The following RBFOX1 variants were observed in gnomAD, a reference collection of about 807,000 sequenced individuals.
RBFOX1 encodes the protein RNA binding fox-1 homolog 1.
RBFOX1 carries 8 observed loss-of-function variants against 57.7 expected under a neutral mutation model. The ratio of observed to expected loss-of-function variants is 0.14; its 90% CI spans 0.08 to 0.25. RBFOX1 has a LOEUF of 0.25. Among genes scored for constraint, RBFOX1 ranks in the 10% least tolerant of loss-of-function variants. RBFOX1 has a pLI of 1.00. For synonymous variants in RBFOX1, 326 were observed against 222.4 expected (o/e 1.47, Z -4.15); for missense variants, 611 against 548.5 (o/e 1.11, Z -1.14).
chr16:6,960,320 C>G (rs902082014), intron 3 of RBFOX1, among the ~76,000 whole-genome samples: 32 of 152,178 alleles, frequency 2.1e-4, no homozygotes, highest in Middle Eastern at 3.4e-3. Context: ...CGTCTTTAGA[C>G]GAATGCACAC....
intron 3 of RBFOX1, among the ~76,000 whole-genome samples, chr16:6,981,148 C>T (rs761113756): frequency 6.7e-5 from 10 of 149,866 alleles, no homozygotes; most frequent in Non-Finnish European, 1.3e-4. Context: ...TTTACAGGTA[C>T]ACTTGCAGGT....
chr16:7,090,560 A>G lies in RBFOX1; in HGVS notation c.27+38462A>G, dbSNP rs193111518. Among the ~76,000 whole-genome samples the G allele has an allele frequency of 1.7e-3, 262 of 152,346 alleles. 2 individuals are homozygous for G. The highest frequency in any genetic ancestry group is 2.9e-3 in the Non-Finnish European group (198 of 68,034). Reference sequence around the variant, plus strand: ...CTTAATATGTCCATCATTTGGTGTCATCTCAGATTTATACATTTTTTTCCC... The same window carrying G: ...CTTAATATGTCCATCATTTGGTGTCGTCTCAGATTTATACATTTTTTTCCC... On this transcript the variant is annotated intron_variant, in intron 4 of 15. Coordinates refer to ENST00000550418, the MANE Select transcript of RBFOX1 (RefSeq NM_018723.4).
At chr16:6,535,744 A>T (rs918576923) in intron 2 of RBFOX1, among the ~76,000 whole-genome samples, 5 of 152,142 alleles carry the variant, frequency 3.3e-5, no homozygotes, top group Non-Finnish European at 5.9e-5. Context: ...AGCCTCTTTC[A>T]TCTTTCTCTG....
chr16:7,187,687 TCA>T lies in RBFOX1; in HGVS notation c.27+135592_27+135593del, dbSNP rs1269911632. On this transcript the variant is annotated intron_variant, in intron 4 of 15. Transcript: ENST00000550418. ...CTGGGCAACAGAATGAGACTCTGTCTCACAAAAAAAAAAAAAAAAAAAAAAAA... is the reference window on the plus strand; with the variant it reads ...CTGGGCAACAGAATGAGACTCTGTCTCAAAAAAAAAAAAAAAAAAAAAAAA... Among the ~76,000 whole-genome samples the T allele has an allele frequency of 2.7e-3, 140 of 51,418 alleles. 8 individuals carry two copies. The highest frequency in any genetic ancestry group is 9.7e-3 in the African/African-American group (94 of 9,726). 33.7% of individuals were successfully genotyped at this position (51,418 alleles called of 152,430 possible). A position where few individuals can be genotyped will look rare whatever the true frequency, so the allele number is the denominator to read the frequency against.
chr16:7,344,498 A>G (rs2096957096), intron 4 of RBFOX1, among the ~76,000 whole-genome samples: 1 of 150,762 alleles, frequency 6.6e-6, no homozygotes, highest in Non-Finnish European at 1.5e-5. Context: ...TAGTTATAGG[A>G]TAATTATATA....
chr16:6,180,530 C>G (rs1001825221), intron 1 of RBFOX1, among the ~76,000 whole-genome samples: 1 of 147,852 alleles, frequency 6.8e-6, no homozygotes, highest in Admixed American at 6.8e-5. Flanking sequence ...CTTGGTCATT[C>G]TCGTCTCTCT....
chr16:7,307,865 C>G (rs866268203), intron 4 of RBFOX1, among the ~76,000 whole-genome samples: 1 of 152,200 alleles, frequency 6.6e-6, no homozygotes. Flanking sequence ...CAGGGAAAGT[C>G]CCTGCCTCAA....
At chr16:6,242,629 A>AACACACACACACACACACACAC (rs57154832) in intron 1 of RBFOX1, among the ~76,000 whole-genome samples, 15 of 141,630 alleles carry the variant, frequency 1.1e-4, no homozygotes, top group African/African-American at 3.9e-4. Context: ...ATTTATTGCA[A>AACACACACACACACACACACAC]ACACACACAC....
In RBFOX1 at chr16:7,329,347, G is replaced by A. The variant is rs967631534; in HGVS notation, c.28-188800G>A. Among the ~76,000 whole-genome samples, 3 of 152,038 alleles carry A rather than the reference G, an allele frequency of 2.0e-5. No homozygotes were observed. In the South Asian group the frequency reaches 6.2e-4, roughly 32 times the overall value. On this transcript the variant is annotated intron_variant, in intron 4 of 15. Transcript: ENST00000550418. ...CTATTTAAAGTTCCTGCATTACACC[G>A]TGAGCGTAATACCACATAATAGATG...
At chr16:6,785,754 C>T (rs1261261810) in intron 3 of RBFOX1, among the ~76,000 whole-genome samples, 1 of 152,124 alleles carries the variant, frequency 6.6e-6, no homozygotes, top group Non-Finnish European at 1.5e-5. Context: ...CTATTGTTAT[C>T]ATCATTTTCC....
At chr16:6,989,164 G>A (rs2090969992) in intron 3 of RBFOX1, among the ~76,000 whole-genome samples, 1 of 152,144 alleles carries the variant, frequency 6.6e-6, no homozygotes, top group African/African-American at 2.4e-5. Flanking sequence ...CCATAGTGCT[G>A]GGATTTCAGG....
chr16:7,516,858 C>T (rs996619909), intron 4 of RBFOX1, among the ~76,000 whole-genome samples: 8 of 151,440 alleles, frequency 5.3e-5, no homozygotes, highest in Non-Finnish European at 1.2e-4. Flanking sequence ...TCTCTTCTTT[C>T]TGTCATCATG....
At chr16:7,203,662 C>T (rs2089238199) in intron 4 of RBFOX1, among the ~76,000 whole-genome samples, 1 of 152,132 alleles carries the variant, frequency 6.6e-6, no homozygotes, top group South Asian at 2.1e-4. Flanking sequence ...AGATAGGGTC[C>T]CTCTATGTGT....
At chr16:7,341,731 C>T (rs534199400) in intron 4 of RBFOX1, among the ~76,000 whole-genome samples, 59 of 139,156 alleles carry the variant, frequency 4.2e-4, no homozygotes, top group Middle Eastern at 7.5e-3. Flanking sequence ...TCCCTCCCTC[C>T]CTCCTTCCCT....
intron 5 of RBFOX1, among the ~76,000 whole-genome samples, chr16:7,558,159 C>T (rs1254095519): frequency 6.6e-6 from 1 of 151,994 alleles, no homozygotes; most frequent in Non-Finnish European, 1.5e-5. Flanking sequence ...TTCAAGATCA[C>T]CCTGGGAAAC....
chr16:6,859,184 T>TAA (rs57442083), intron 3 of RBFOX1, among the ~76,000 whole-genome samples: 1 of 49,292 alleles, frequency 2.0e-5, no homozygotes, highest in African/African-American at 8.0e-5. Flanking sequence ...TGTATATATA[T>TAA]GTATATATAT....
intron 2 of RBFOX1, among the ~76,000 whole-genome samples, chr16:6,345,183 C>T (rs2152834446): frequency 6.6e-6 from 1 of 152,294 alleles, no homozygotes; most frequent in East Asian, 1.9e-4. Context: ...TGAATCCCCA[C>T]ATTGGCGCTG....
chr16:7,296,450 T>C (rs1041527930), intron 4 of RBFOX1, among the ~76,000 whole-genome samples: 1 of 152,156 alleles, frequency 6.6e-6, no homozygotes, highest in African/African-American at 2.4e-5. Context: ...GTCCATGTCA[T>C]TGAGGGCTAG....
chr16:6,364,357 C>T (rs1335454519), intron 2 of RBFOX1, among the ~76,000 whole-genome samples: 1 of 152,138 alleles, frequency 6.6e-6, no homozygotes, highest in Non-Finnish European at 1.5e-5. Context: ...CTCTCCTCTT[C>T]CTCTTTCTTT....
Sources: gnomAD v4.1 joint callset for allele counts (sites outside exome capture counted in the v4.1 genomes callset) on GRCh38, gnomAD v4.1.1 for gene constraint, MANE v1.5 for transcripts, NCBI Gene and HGNC (gene_info 2026-07-23, HGNC 2026-07-21) for gene names.